INTS6: variants seen among roughly 807,000 people sequenced by gnomAD.
INTS6 encodes the protein integrator complex subunit 6.
In INTS6, 16 loss-of-function variants were observed where a neutral mutation model predicts 104.9. The observed-to-expected ratio is 0.15, with a 90% CI of 0.10 to 0.23. The LOEUF (loss-of-function observed/expected upper bound fraction) is 0.23, where lower values mean the gene tolerates loss of function less well. Ranked by LOEUF, INTS6 falls within the 10% of genes least tolerant of loss-of-function variation. The pLI is 1.00. For missense variants in INTS6, 584 were observed against 1,062.8 expected (o/e 0.55, Z 6.26); for synonymous variants, 324 against 358.7 (o/e 0.90, Z 1.09).
chr13:51,381,305 G>A (rs987928909), intron 10 of INTS6, among the ~76,000 whole-genome samples: 4 of 152,162 alleles, frequency 2.6e-5, no homozygotes, highest in African/African-American at 4.8e-5. Flanking sequence ...TACAACACTC[G>A]AGGTTAAAAG....
chr13:51,388,401 CTTTT>C (rs1217185920), intron 6 of INTS6, among the ~76,000 whole-genome samples: 1 of 146,918 alleles, frequency 6.8e-6, no homozygotes, highest in African/African-American at 2.5e-5. Context: ...TTTTGTTTTT[CTTTT>C]TTTTTGAGAT....
At chr13:51,370,420 T>A (rs1186632621) in intron 15 of INTS6, among the ~76,000 whole-genome samples, 1 of 152,218 alleles carries the variant, frequency 6.6e-6, no homozygotes, top group Non-Finnish European at 1.5e-5. Context: ...GGTACAAGCC[T>A]GTAAGCCACT....
intron 3 of INTS6, chr13:51,444,834 A>G (rs1405852251): frequency 2.0e-5 from 3 of 147,886 alleles, no homozygotes; most frequent in African/African-American, 7.5e-5. Flanking sequence ...TGACTGGAGA[A>G]TTTTTTCTTT....
downstream of INTS6, among the ~76,000 whole-genome samples, chr13:51,358,452 G>A (rs1437382613): frequency 3.9e-5 from 6 of 152,110 alleles, no homozygotes. Flanking sequence ...CACCAACAAA[G>A]CACTGAAACA....
chr13:51,400,472 A>C (rs1956416565), intron 4 of INTS6, among the ~76,000 whole-genome samples: 1 of 152,190 alleles, frequency 6.6e-6, no homozygotes, highest in African/African-American at 2.4e-5. Flanking sequence ...AATACATCTG[A>C]AATTGAGTTT....
chr13:51,388,445 G>A (rs778528804), intron 6 of INTS6, among the ~76,000 whole-genome samples: 6 of 151,740 alleles, frequency 4.0e-5, no homozygotes, highest in Admixed American at 6.6e-5. Flanking sequence ...CCAGGCTGGA[G>A]TGCAATGGTG....
chr13:51,416,775 T>C lies in INTS6; in HGVS notation c.429+13519A>G, dbSNP rs550050504. 1.4e-4 allele frequency among the ~76,000 whole-genome samples: 21 copies of C among 152,340 alleles called. No individual in the cohort carries two copies. In the South Asian group the frequency reaches 4.3e-3, roughly 32 times the overall value. On this transcript the variant is annotated intron_variant, in intron 4 of 17. Transcript: ENST00000311234. ...TTGGAGTTAGCATAAGGTAACTCTA[T>C]GTTTAACTTTTTGAAGAACCACCAA... is the stretch of plus-strand genomic sequence containing the variant.
chr13:51,422,506 C>A (rs973744913), intron 4 of INTS6, among the ~76,000 whole-genome samples: 14 of 152,118 alleles, frequency 9.2e-5, no homozygotes, highest in Non-Finnish European at 1.9e-4. Flanking sequence ...TGAAAACCTG[C>A]CTAGCTTACC....
intron 7 of INTS6, chr13:51,385,309 T>C (rs1956123206): frequency 6.6e-6 from 1 of 152,656 alleles, no homozygotes; most frequent in Non-Finnish European, 1.5e-5. Context: ...CTGTACTCTA[T>C]GATGTGTACG....
intron 3 of INTS6, chr13:51,448,819 T>C (rs1197299871): frequency 1.3e-5 from 2 of 152,208 alleles, no homozygotes; most frequent in East Asian, 1.9e-4. Flanking sequence ...TATTTAGTAC[T>C]GTGAACACCA....
At chr13:51,403,815 G>C (rs1429290176) in intron 4 of INTS6, among the ~76,000 whole-genome samples, 1 of 151,922 alleles carries the variant, frequency 6.6e-6, no homozygotes, top group Admixed American at 6.6e-5. Context: ...CACAGTATTT[G>C]TCATATGAAA....
chr13:51,375,938 G>C (rs2137892483), intron 13 of INTS6, 110 bp downstream of exon 13: 1 of 802,304 alleles, frequency 1.2e-6, no homozygotes, highest in South Asian at 3.1e-5. Flanking sequence ...CTTACAATAA[G>C]AATGTTATAG....
At position 51,417,955 on chromosome 13, in the gene INTS6, AAAAC is replaced by A. The variant is rs140535298; in HGVS notation, c.429+12335_429+12338del. Among the ~76,000 whole-genome samples, 886 of 152,348 alleles carry A rather than the reference AAAAC, an allele frequency of 5.8e-3. 7 individuals are homozygous for A. Among genetic ancestry groups the A allele is most frequent in the African/African-American group, 0.017 (721 of 41,572 alleles). On this transcript the variant is annotated intron_variant, in intron 4 of 17. Transcript: ENST00000311234. ...TAAAGAGCAATGGACCTGAAAAAAT[AAAAC>A]AAACAGTCAAGTCCTAGCTCTGCCT... is the stretch of plus-strand genomic sequence containing the variant.
chr13:51,430,057 C>T (rs1957063578), intron 4 of INTS6, among the ~76,000 whole-genome samples: 1 of 151,930 alleles, frequency 6.6e-6, no homozygotes, highest in Non-Finnish European at 1.5e-5. Flanking sequence ...CTCACATAAA[C>T]TCATAATTAC....
intron 14 of INTS6, 48 bp downstream of exon 14, chr13:51,374,606 A>G (rs1955879791): frequency 1.3e-6 from 2 of 1,599,476 alleles, no homozygotes; most frequent in East Asian, 4.5e-5. Flanking sequence ...TATAAAACTG[A>G]CAGTGCCTAC....
downstream of INTS6, chr13:51,361,371 T>A: frequency 6.4e-7 from 1 of 1,573,002 alleles, no homozygotes; most frequent in Non-Finnish European, 8.7e-7. Flanking sequence ...ACAGGTATGT[T>A]CAGAGAATAC....
At chr13:51,378,709 A>G (rs1423215447) in intron 11 of INTS6, among the ~76,000 whole-genome samples, 2 of 152,044 alleles carry the variant, frequency 1.3e-5, no homozygotes, top group Non-Finnish European at 2.9e-5. Context: ...TATTTTATTT[A>G]TTAATACCCA....
At chr13:51,431,028 G>C (rs754940872) in intron 3 of INTS6, among the ~76,000 whole-genome samples, 3 of 152,186 alleles carry the variant, frequency 2.0e-5, no homozygotes, top group Middle Eastern at 3.2e-3. Flanking sequence ...CAATGGAACA[G>C]AGTAGCACGG....
At chr13:51,356,315 T>G (rs1955480995) in intron 3 of INTS6, among the ~76,000 whole-genome samples, 1 of 151,910 alleles carries the variant, frequency 6.6e-6, no homozygotes, top group Admixed American at 6.6e-5. Context: ...AGGCATAATC[T>G]GACATTTCAA....
Sources: allele counts gnomAD v4.1 joint callset (sites outside exome capture counted in the v4.1 genomes callset), GRCh38; gene constraint gnomAD v4.1.1; transcripts MANE v1.5; gene names NCBI Gene and HGNC (gene_info 2026-07-23, HGNC 2026-07-21).